The following APBB2 variants were observed in gnomAD, a reference collection of about 807,000 sequenced individuals.
The protein encoded by APBB2 is Fe65-like 1.
APBB2 carries 38 observed loss-of-function variants against 82.5 expected under a neutral mutation model. The ratio of observed to expected loss-of-function variants is 0.46; its 90% CI spans 0.36 to 0.60. The LOEUF is 0.60. APBB2 is among the 20% of genes least tolerant of loss of function. The probability of loss-of-function intolerance (pLI) is 0.00; values close to 1 mark genes in which losing one functional copy is unlikely to be tolerated. For missense variants in APBB2, 772 were observed against 972.3 expected, an observed-to-expected ratio of 0.79 and a Z score of 2.74; for synonymous variants, 341 against 368.2, an observed-to-expected ratio of 0.93 and a Z score of 0.85.
intron 6 of APBB2, among the ~76,000 whole-genome samples, chr4:40,969,583 A>G (rs1335947784): frequency 1.3e-5 from 2 of 152,252 alleles, no homozygotes; most frequent in East Asian, 3.9e-4. Flanking sequence ...AAAGTAACAT[A>G]TAATTATGAA....
chr4:40,843,275 G>A (rs553916969), intron 12 of APBB2, among the ~76,000 whole-genome samples: 4 of 152,298 alleles, frequency 2.6e-5, no homozygotes, highest in Non-Finnish European at 4.4e-5. Context: ...GTCATGGAGC[G>A]GCCAGCAGGG....
chr4:41,183,487 G>C (rs1002361984), intron 1 of APBB2, among the ~76,000 whole-genome samples: 2 of 152,080 alleles, frequency 1.3e-5, no homozygotes. Context: ...TCATTTAGGT[G>C]GGCCCCAATT....
At chr4:40,897,889 G>A (rs1712893545) in intron 10 of APBB2, among the ~76,000 whole-genome samples, 1 of 152,114 alleles carries the variant, frequency 6.6e-6, no homozygotes, top group South Asian at 2.1e-4. Context: ...TTGGAGCATG[G>A]GAAGAGCTCA....
chr4:40,930,091 G>C (rs922995483), intron 10 of APBB2, among the ~76,000 whole-genome samples: 1 of 152,124 alleles, frequency 6.6e-6, no homozygotes, highest in Non-Finnish European at 1.5e-5. Context: ...AACAGATTAA[G>C]GTTATTAGTG....
At chr4:40,903,411 G>A (rs1434061372) in intron 10 of APBB2, among the ~76,000 whole-genome samples, 1 of 152,178 alleles carries the variant, frequency 6.6e-6, no homozygotes, top group Admixed American at 6.5e-5. Context: ...AGGTTGCAGT[G>A]AGCCAAGATC....
rs757530781 is a variant in APBB2 at position 41,033,233 on chromosome 4, G to C, written c.19+3C>G. ...CATTGAAATATGAGAAAATGTATCT[G>C]ACCTGGAAGTACTTCTGACATGGAT... On this transcript the variant is annotated splice_donor_region_variant and intron_variant, in intron 5 of 17. Transcript: ENST00000508593. 16 of 1,569,962 alleles carry C rather than the reference G, an allele frequency of 1.0e-5. No homozygotes were observed. In the South Asian group the frequency reaches 1.7e-4, roughly 17 times the overall value.
At chr4:41,093,599 A>C (rs1742520228) in intron 3 of APBB2, among the ~76,000 whole-genome samples, 1 of 152,166 alleles carries the variant, frequency 6.6e-6, no homozygotes, top group African/African-American at 2.4e-5. Context: ...CATGCCTGTA[A>C]TCCCAGCACT....
At chr4:41,162,917 CAA>C (rs1765554574) in intron 1 of APBB2, among the ~76,000 whole-genome samples, 2 of 152,040 alleles carry the variant, frequency 1.3e-5, no homozygotes, top group African/African-American at 4.8e-5. Context: ...CACTGAGTAT[CAA>C]TAAGGGCAAG....
intron 2 of APBB2, among the ~76,000 whole-genome samples, chr4:41,103,620 G>GA (rs1308933596): frequency 2.0e-5 from 3 of 151,256 alleles, no homozygotes; most frequent in Non-Finnish European, 4.4e-5. Context: ...TTGTTTATAA[G>GA]AAAAAAGACT....
intron 6 of APBB2, among the ~76,000 whole-genome samples, chr4:41,012,894 C>A (rs866006334): frequency 2.0e-5 from 3 of 152,192 alleles, no homozygotes; most frequent in African/African-American, 7.2e-5. Context: ...GGATCCTGTT[C>A]ATTTCTGTCA....
chr4:41,170,089 C>T (rs534423265), intron 1 of APBB2, among the ~76,000 whole-genome samples: 1 of 152,170 alleles, frequency 6.6e-6, no homozygotes, highest in South Asian at 2.1e-4. Context: ...ACTCCCAAGT[C>T]TTACCAAGAT....
Position 40,982,269 on chromosome 4 carries a change from AGAAAGAAAGAAAGAAGGAAGGAAGGAAG to A in APBB2, c.835+31286_835+31313del, listed in dbSNP as rs1329962761. ...AAGAAAGAAAGAAAGAAAGAAAGAA[AGAAAGAAAGAAAGAAGGAAGGAAGGAAG>A]GAAGGAAGGAAAGAAAGAAAGAAAG... On this transcript the variant is annotated intron_variant, in intron 6 of 17. Transcript: ENST00000508593. Among the ~76,000 whole-genome samples, 62 of 33,446 alleles carry A rather than the reference AGAAAGAAAGAAAGAAGGAAGGAAGGAAG, an allele frequency of 1.9e-3. 6 individuals carry two copies. Among genetic ancestry groups the A allele is most frequent in the African/African-American group, 7.0e-3 (54 of 7,742 alleles). The allele number at this position is 33,446 out of a possible 152,430, so 21.9% of individuals were successfully genotyped here. A position where few individuals can be genotyped will look rare whatever the true frequency, so the allele number is the denominator to read the frequency against.
intron 3 of APBB2, among the ~76,000 whole-genome samples, chr4:41,066,062 C>A (rs1731672200): frequency 6.6e-6 from 1 of 150,782 alleles, no homozygotes; most frequent in Non-Finnish European, 1.5e-5. Flanking sequence ...AACTAATATC[C>A]TATAAAACTT....
intron 12 of APBB2, among the ~76,000 whole-genome samples, chr4:40,835,989 G>A (rs1280376577): frequency 6.6e-6 from 1 of 152,160 alleles, no homozygotes; most frequent in Non-Finnish European, 1.5e-5. Flanking sequence ...AGGAGGGCTG[G>A]TTTGGTGCAA....
intron 12 of APBB2, among the ~76,000 whole-genome samples, chr4:40,845,602 A>AC (rs1757274290): frequency 6.7e-6 from 1 of 149,594 alleles, no homozygotes; most frequent in Admixed American, 6.7e-5. Context: ...AAAAAAAAAA[A>AC]AAAAAAAAAA....
chr4:40,965,264 G>A (rs190757762), intron 6 of APBB2, among the ~76,000 whole-genome samples: 35 of 152,256 alleles, frequency 2.3e-4, no homozygotes, highest in South Asian at 2.1e-4. Flanking sequence ...AATATATCAC[G>A]AATTATGACA....
intron 12 of APBB2, among the ~76,000 whole-genome samples, chr4:40,871,021 T>A (rs1022815030): frequency 2.0e-5 from 3 of 151,842 alleles, no homozygotes. Context: ...TATATATATG[T>A]GTAAGTGTCT....
At position 40,867,564 on chromosome 4, in the gene APBB2, C is replaced by T. The variant is rs900311075; in HGVS notation, c.1529+22800G>A. Among the ~76,000 whole-genome samples the T allele has an allele frequency of 3.9e-5, 6 of 152,324 alleles. No individual in the cohort carries two copies. The South Asian group carries it at 1.2e-3, about 32-fold the overall frequency. Reference sequence around the variant, plus strand: ...GTCACAAATAAATTGATACATCACACATAGCAAGCTGATCATTTAGTAGGT... The same window carrying T: ...GTCACAAATAAATTGATACATCACATATAGCAAGCTGATCATTTAGTAGGT... On this transcript the variant is annotated intron_variant, in intron 12 of 17. Coordinates refer to ENST00000508593, the MANE Select transcript of APBB2 (RefSeq NM_004307.2).
chr4:41,194,626 C>T, intron 1 of APBB2, among the ~76,000 whole-genome samples: 47,564 of 151,970 alleles, frequency 0.31, 7,759 homozygotes, highest in South Asian at 0.37. Flanking sequence ...ATCATGTCAC[C>T]GCACTCTAGC....
Sources: gnomAD v4.1 joint callset for allele counts (sites outside exome capture counted in the v4.1 genomes callset) on GRCh38, gnomAD v4.1.1 for gene constraint, MANE v1.5 for transcripts, NCBI Gene and HGNC (gene_info 2026-07-23, HGNC 2026-07-21) for gene names.